Variants in STAT5B observed in about 807,000 individuals in gnomAD.
STAT5B encodes signal transducer and activator of transcription 5B.
STAT5B carries 21 observed loss-of-function variants against 107.8 expected under a neutral mutation model. The ratio of observed to expected loss-of-function variants is 0.19; its 90% confidence interval spans 0.14 to 0.28. The LOEUF (loss-of-function observed/expected upper bound fraction) is 0.28, where lower values mean the gene tolerates loss of function less well. Ranked by LOEUF, STAT5B falls within the 10% of genes least tolerant of loss-of-function variation. The pLI is 1.00. For missense variants in STAT5B, 565 were observed against 1,008.2 expected (o/e 0.56, Z 5.95); for synonymous variants, 325 against 401.7 (o/e 0.81, Z 2.28).
At chr17:42,235,482 T>C (rs2080349256) in intron 1 of STAT5B, 1 of 151,960 alleles carries the variant, frequency 6.6e-6, no homozygotes, top group Admixed American at 6.6e-5. Context: ...AATAATCAAT[T>C]ACAATTTTTT....
rs75955986 is a variant in STAT5B, at chr17:42,274,478, T to G, written c.-11+1770A>C. On this transcript the variant is annotated intron_variant, in intron 1 of 18. Coordinates refer to ENST00000293328, the MANE Select transcript of STAT5B (RefSeq NM_012448.4). ...AAATTGTCACATAGGAAGTTTTTCTTAAAATCAGCAGCCCCTTCTCTTATT... is the reference window on the plus strand; with the variant it reads ...AAATTGTCACATAGGAAGTTTTTCTGAAAATCAGCAGCCCCTTCTCTTATT... Among the ~76,000 whole-genome samples the G allele has an allele frequency of 4.4e-3, 672 of 152,250 alleles. 3 individuals are homozygous for G. Among genetic ancestry groups the G allele is most frequent in the African/African-American group, 0.015 (635 of 41,544 alleles).
In STAT5B at chr17:42,243,116, GATCA is replaced by G. The variant is rs2080418988; in HGVS notation, c.-10-10983_-10-10980del. The stretch of plus-strand genomic sequence containing the variant: ...CCCTCTGCGAGAAACACCCAAGAAT[GATCA>G]ATTAAAAAAAAAAAATGTTAAAAAT... On this transcript the variant is annotated intron_variant, in intron 1 of 18. Coordinates refer to ENST00000293328, the MANE Select transcript of STAT5B (RefSeq NM_012448.4). Among the ~76,000 whole-genome samples the G allele has an allele frequency of 2.8e-5, 4 of 144,398 alleles. No individual in the cohort carries two copies. In the Admixed American group the frequency reaches 2.8e-4, roughly 10 times the overall value. 94.7% of individuals were successfully genotyped at this position (144,398 alleles called of 152,430 possible). A position where few individuals can be genotyped will look rare whatever the true frequency, so the allele number is the denominator to read the frequency against.
At chr17:42,279,228 T>C (rs1301353271), upstream of STAT5B, among the ~76,000 whole-genome samples, 5 of 152,240 alleles carry the variant, frequency 3.3e-5, no homozygotes, top group African/African-American at 1.2e-4. Flanking sequence ...AACCAGACTC[T>C]GTCAATTCCT....
intron 1 of STAT5B, among the ~76,000 whole-genome samples, chr17:42,239,634 C>T (rs1002140208): frequency 2.6e-5 from 4 of 152,256 alleles, no homozygotes; most frequent in East Asian, 1.9e-4. Context: ...ATCCCTCAGA[C>T]GTAGGCACTA....
At chr17:42,219,864 C>A in intron 5 of STAT5B, 22 bp from the exon 6 acceptor site, 2 of 1,614,136 alleles carry the variant, frequency 1.2e-6, no homozygotes, top group African/African-American at 2.7e-5. Context: ...GAGAGGAAAC[C>A]ATGACCATCA....
At position 42,201,555 on chromosome 17, in the gene STAT5B, A is replaced by AC; in HGVS notation, c.*182_*183insG. The AC allele has an allele frequency of 1.5e-6, 1 of 658,380 alleles. No individual in the cohort carries two copies. 40.8% of individuals were successfully genotyped at this position (658,380 alleles called of 1,614,324 possible). ...ACACACACACACACACACACACACA[A>AC]ACACATACTCGCACTCCCTTCGCTG... On this transcript the variant is annotated 3_prime_UTR_variant, in exon 19 of 19. Coordinates refer to ENST00000293328, the MANE Select transcript of STAT5B (RefSeq NM_012448.4).
intron 12 of STAT5B, chr17:42,214,310 CAA>C (rs1598300070): frequency 3.0e-6 from 3 of 985,132 alleles, no homozygotes; most frequent in Non-Finnish European, 3.6e-6. Flanking sequence ...GGGAAGGAAA[CAA>C]GAGATGTGGC....
chr17:42,274,065 A>G (rs1411725333), intron 1 of STAT5B, among the ~76,000 whole-genome samples: 4 of 152,082 alleles, frequency 2.6e-5, no homozygotes, highest in Non-Finnish European at 5.9e-5. Flanking sequence ...ACATACTATG[A>G]AGTACACACC....
intron 12 of STAT5B, among the ~76,000 whole-genome samples, chr17:42,213,780 C>T (rs1028736297): frequency 2.8e-5 from 4 of 145,198 alleles, no homozygotes; most frequent in East Asian, 2.1e-4. Flanking sequence ...CCACCCACCT[C>T]GGCCTCCCAA....
intron 1 of STAT5B, among the ~76,000 whole-genome samples, chr17:42,251,006 C>T (rs986483420): frequency 4.0e-5 from 6 of 149,858 alleles, no homozygotes; most frequent in African/African-American, 1.2e-4. Flanking sequence ...CTTTATAACA[C>T]GAGCCACAAA....
intron 13 of STAT5B, 133 bp downstream of exon 13, chr17:42,211,851 A>G: frequency 7.4e-7 from 1 of 1,355,170 alleles, no homozygotes; most frequent in Non-Finnish European, 1.0e-6. Context: ...TTGTCCATCT[A>G]GTCAGAAGCT....
At chr17:42,244,821 A>G (rs2080437135) in intron 1 of STAT5B, among the ~76,000 whole-genome samples, 1 of 152,232 alleles carries the variant, frequency 6.6e-6, no homozygotes, top group Non-Finnish European at 1.5e-5. Flanking sequence ...ATCTAATGGG[A>G]TATGGTGCAA....
chr17:42,199,193 C>T lies in STAT5B; in HGVS notation c.*2545G>A, dbSNP rs2144183679. On this transcript the variant is annotated 3_prime_UTR_variant, in exon 19 of 19. Coordinates refer to ENST00000293328, the MANE Select transcript of STAT5B (RefSeq NM_012448.4). ...TCAATACCATCCCTTCAGAGGAAGG[C>T]TTTATTGTAACATAAAATACACAAC... 6.6e-6 allele frequency: 1 copy of T among 152,530 alleles called. No homozygotes were observed. The highest frequency in any genetic ancestry group is 1.5e-5 in the Non-Finnish European group (1 of 68,014). 9.4% of individuals were successfully genotyped at this position (152,530 alleles called of 1,614,324 possible).
intron 1 of STAT5B, among the ~76,000 whole-genome samples, chr17:42,264,206 T>C (rs2080646210): frequency 6.6e-6 from 1 of 152,112 alleles, no homozygotes; most frequent in Admixed American, 6.6e-5. Context: ...TCTTTTTTTT[T>C]TAATTTATTT....
rs539091753 is a variant in STAT5B at position 42,218,745 on chromosome 17, T to A, written c.967A>T (p.Ile323Phe). The change falls in exon 8 of 19, where the codon ATT becomes TTT. Residue 323 changes from isoleucine (I) to phenylalanine (F), a missense_variant. Around this residue, in one of 11 missense-constraint regions of STAT5B, gnomAD observed 48 missense variants for 106.5 expected, o/e 0.45. Coordinates refer to ENST00000293328, the MANE Select transcript of STAT5B (RefSeq NM_012448.4). ...CACCTGGTCACCAGGGCTGAGATAATGTCCGTGATGGTGGCGTTGACCTCG... is the reference window on the plus strand; with the variant it reads ...CACCTGGTCACCAGGGCTGAGATAAAGTCCGTGATGGTGGCGTTGACCTCG... ...LAEVNATITDIISALVTSTFI... is the reference protein window; with the variant it reads ...LAEVNATITDFISALVTSTFI... 6.2e-7 allele frequency: 1 copy of A among 1,612,780 alleles called. No homozygotes were observed. Among genetic ancestry groups the A allele is most frequent in the African/African-American group, 1.3e-5 (1 of 74,956 alleles).
chr17:42,286,262 A>G, the STAT5B span, among the ~76,000 whole-genome samples: 18 of 150,996 alleles, frequency 1.2e-4, no homozygotes, highest in African/African-American at 4.1e-4. Context: ...AAAACCCAGA[A>G]GGGGAAATGT....
chr17:42,257,921 A>G (rs1394326536), intron 1 of STAT5B, among the ~76,000 whole-genome samples: 1 of 152,228 alleles, frequency 6.6e-6, no homozygotes, highest in African/African-American at 2.4e-5. Context: ...GAATCAATAT[A>G]ATGAATTTTA....
chr17:42,213,690 G>A (rs2080147587), intron 12 of STAT5B, among the ~76,000 whole-genome samples: 1 of 151,276 alleles, frequency 6.6e-6, no homozygotes, highest in Non-Finnish European at 1.5e-5. Flanking sequence ...ACCACGCCCA[G>A]CTAATTTTTG....
chr17:42,263,159 C>T (rs1325485745), intron 1 of STAT5B, among the ~76,000 whole-genome samples: 3 of 148,852 alleles, frequency 2.0e-5, no homozygotes, highest in South Asian at 4.2e-4. Flanking sequence ...CCTCTGTCTC[C>T]CTAACAATTT....
Sources: allele counts gnomAD v4.1 joint callset (sites outside exome capture counted in the v4.1 genomes callset), GRCh38; gene constraint gnomAD v4.1.1; regional missense constraint gnomAD v4.1.1; transcripts MANE v1.5; gene names NCBI Gene and HGNC (gene_info 2026-07-23, HGNC 2026-07-21).